MCPH1: variants seen among roughly 807,000 people sequenced by gnomAD.
The protein encoded by MCPH1 is microcephalin.
Under a neutral mutation model 84.5 loss-of-function variants are expected in MCPH1, and 104 were observed. The ratio of observed to expected loss-of-function variants is 1.23; its 90% CI spans 1.05 to 1.45. MCPH1 has a LOEUF of 1.45. Among genes scored for constraint, MCPH1 ranks in the 40% most tolerant of loss-of-function variants. MCPH1 has a pLI of 0.00. For missense variants in MCPH1, 1,498 were observed against 1,005.7 expected, an observed-to-expected ratio of 1.49 and a Z score of -6.62; for synonymous variants, 514 against 366.8, an observed-to-expected ratio of 1.40 and a Z score of -4.58.
rs2515473 is a variant in MCPH1 at position 6,530,470 on chromosome 8, C to G, written c.2214+30541C>G. Among the ~76,000 whole-genome samples, 42 of 146,370 alleles carry G rather than the reference C, an allele frequency of 2.9e-4. 1 individual carries two copies. Among genetic ancestry groups the G allele is most frequent in the African/African-American group, 1.1e-3 (42 of 39,308 alleles). On this transcript the variant is annotated intron_variant, in intron 12 of 13. Transcript: ENST00000344683. ...GTTGCAGCAAGTCGAGATCACACCA[C>G]TGCACTCCAACCTGGGCAATGCAGT...
At chr8:6,475,387 C>T (rs912124807) in intron 9 of MCPH1, among the ~76,000 whole-genome samples, 1 of 152,232 alleles carries the variant, frequency 6.6e-6, no homozygotes, top group Non-Finnish European at 1.5e-5. Flanking sequence ...TCCTGGCAGA[C>T]GCCCTTGTGG....
intron 9 of MCPH1, among the ~76,000 whole-genome samples, chr8:6,468,157 A>G (rs189492635): frequency 1.3e-5 from 2 of 152,178 alleles, no homozygotes; most frequent in African/African-American, 4.8e-5. Context: ...TTTCCTGTGC[A>G]GATAAGAGTG....
intron 12 of MCPH1, among the ~76,000 whole-genome samples, chr8:6,505,262 TTATATA>T (rs1405057883): frequency 1.3e-4 from 3 of 23,438 alleles, no homozygotes; most frequent in African/African-American, 3.8e-4. Flanking sequence ...TATATATGTT[TTATATA>T]TATGTATACA....
intron 12 of MCPH1, among the ~76,000 whole-genome samples, chr8:6,586,131 G>C (rs1354377688): frequency 6.6e-6 from 1 of 151,920 alleles, no homozygotes; most frequent in African/African-American, 2.4e-5. Context: ...CACGCTTTCT[G>C]ATTTTTTTTT....
intron 12 of MCPH1, among the ~76,000 whole-genome samples, chr8:6,512,380 G>C (rs2922904): frequency 4.1e-4 from 62 of 152,298 alleles, no homozygotes; most frequent in African/African-American, 1.4e-3. Flanking sequence ...GGAGCGGAGT[G>C]TCTGACTTGG....
At chr8:6,642,724 G>A (rs554713848) in intron 13 of MCPH1, 8 of 510,950 alleles carry the variant, frequency 1.6e-5, no homozygotes, top group African/African-American at 5.8e-5. Context: ...CTGACACAAC[G>A]GGAACGTGCC....
chr8:6,595,708 T>C (rs999318118), intron 12 of MCPH1, among the ~76,000 whole-genome samples: 5 of 152,212 alleles, frequency 3.3e-5, no homozygotes, highest in Non-Finnish European at 4.4e-5. Flanking sequence ...TTCCATCTGC[T>C]GCAGGTTTGA....
At chr8:6,561,595 CTT>C (rs1175538094) in intron 12 of MCPH1, among the ~76,000 whole-genome samples, 3 of 152,206 alleles carry the variant, frequency 2.0e-5, no homozygotes, top group African/African-American at 7.2e-5. Context: ...TTTTAAAAGA[CTT>C]TACATAGCTT....
At chr8:6,433,189 A>G (rs1563200295) in intron 4 of MCPH1, among the ~76,000 whole-genome samples, 2 of 152,134 alleles carry the variant, frequency 1.3e-5, no homozygotes, top group East Asian at 3.8e-4. Flanking sequence ...GTATTCATGT[A>G]CTTTTAGTCA....
At chr8:6,581,743 A>C (rs1177661410) in intron 12 of MCPH1, among the ~76,000 whole-genome samples, 1 of 152,196 alleles carries the variant, frequency 6.6e-6, no homozygotes, top group Admixed American at 6.5e-5. Flanking sequence ...ACAACATATC[A>C]TTCAAACTGG....
Position 6,521,276 on chromosome 8 carries a change from A to G in MCPH1, c.2214+21347A>G, listed in dbSNP as rs1817285701. On this transcript the variant is annotated intron_variant, in intron 12 of 13. Transcript: ENST00000344683. ...TGAATTATTCACCGTGGCAGTCACTATTTTTTTTTCTAGTTCTTCAATGAT... is the reference window on the plus strand; with the variant it reads ...TGAATTATTCACCGTGGCAGTCACTGTTTTTTTTTCTAGTTCTTCAATGAT... The G allele has an allele frequency of 1.3e-6, 2 of 1,587,570 alleles. No individual in the cohort carries two copies. The highest frequency in any genetic ancestry group is 1.7e-6 in the Non-Finnish European group (2 of 1,158,548).
At chr8:6,561,614 A>G (rs1024060733) in intron 12 of MCPH1, among the ~76,000 whole-genome samples, 1 of 152,252 alleles carries the variant, frequency 6.6e-6, no homozygotes, top group Non-Finnish European at 1.5e-5. Context: ...GCTTTAGATA[A>G]TCACATTCCC....
At chr8:6,457,966 G>C (rs1400628196) in intron 9 of MCPH1, among the ~76,000 whole-genome samples, 1 of 152,140 alleles carries the variant, frequency 6.6e-6, no homozygotes, top group Non-Finnish European at 1.5e-5. Flanking sequence ...AGACATGCTG[G>C]TGTCATTAAT....
chr8:6,587,700 TTTA>T, intron 12 of MCPH1, among the ~76,000 whole-genome samples: 1 of 152,210 alleles, frequency 6.6e-6, no homozygotes, highest in East Asian at 1.9e-4. Flanking sequence ...CTCATGCTTC[TTTA>T]TAAGAATGCA....
At chr8:6,407,961 G>A (rs1797977577) in intron 1 of MCPH1, among the ~76,000 whole-genome samples, 1 of 152,134 alleles carries the variant, frequency 6.6e-6, no homozygotes, top group Admixed American at 6.6e-5. Context: ...AACACAGGCC[G>A]GCCCGTTAAT....
Position 6,406,733 on chromosome 8 carries a change from G to C in MCPH1, c.22+44G>C, listed in dbSNP as rs755743985. The C allele has an allele frequency of 7.5e-6, 12 of 1,607,248 alleles. No individual in the cohort carries two copies. In the African/African-American group the frequency reaches 1.6e-4, roughly 21 times the overall value. ...CCTGCTCCAGCAGCGGGAGTTTGAG[G>C]ACCGGCACCCCTCGTCGCGGGCGCA... On this transcript the variant is annotated intron_variant, in intron 1 of 13. Transcript: ENST00000344683.
At chr8:6,489,375 C>G (rs1012164711) in intron 11 of MCPH1, among the ~76,000 whole-genome samples, 2 of 151,868 alleles carry the variant, frequency 1.3e-5, no homozygotes, top group Non-Finnish European at 2.9e-5. Context: ...ACCAGGGGAA[C>G]ATGGCATCAG....
intron 5 of MCPH1, 53 bp from the exon 6 acceptor site, chr8:6,438,900 T>G (rs1042712942): frequency 7.0e-6 from 11 of 1,570,108 alleles, no homozygotes; most frequent in African/African-American, 1.3e-5. Context: ...ATCACATTCC[T>G]GAAGTATGAA....
intron 12 of MCPH1, among the ~76,000 whole-genome samples, chr8:6,541,309 C>G (rs2129573839): frequency 6.6e-6 from 1 of 152,224 alleles, no homozygotes; most frequent in African/African-American, 2.4e-5. Flanking sequence ...TCTCATGGGC[C>G]CCAGGCTGTG....
Sources: allele counts gnomAD v4.1 joint callset (sites outside exome capture counted in the v4.1 genomes callset), GRCh38; gene constraint gnomAD v4.1.1; transcripts MANE v1.5; gene names NCBI Gene and HGNC (gene_info 2026-07-23, HGNC 2026-07-21).